Variants in ZNF835 observed in about 807,000 individuals in gnomAD.
The protein encoded by ZNF835 is zinc finger protein 835.
For missense variants in ZNF835, 783 were observed against 758.4 expected, an observed-to-expected ratio of 1.03 and a Z score of -0.38; for synonymous variants, 323 against 324.7, an observed-to-expected ratio of 0.99 and a Z score of 0.06.
At chr19:56,665,474 A>C (rs776770890) in intron 1 of ZNF835, 3 of 680,800 alleles carry the variant, frequency 4.4e-6, no homozygotes, top group Non-Finnish European at 8.2e-6. Flanking sequence ...CTACCCCTCA[A>C]CCCCTGAGTT....
chr19:56,665,320 A>G, intron 1 of ZNF835, 75 bp from the exon 2 acceptor site: 3 of 1,310,300 alleles, frequency 2.3e-6, no homozygotes, highest in Non-Finnish European at 1.1e-6. Context: ...TAACAGCTGA[A>G]CTGGTAAGAA....
chr19:56,667,006 T>G (rs1199797191), intron 1 of ZNF835, among the ~76,000 whole-genome samples: 1 of 152,038 alleles, frequency 6.6e-6, no homozygotes, highest in East Asian at 1.9e-4. Context: ...GGCTCAGAGG[T>G]TCATGCTGGC....
At chr19:56,668,364 CTTTTTTTTTTT>C (rs10604506) in intron 1 of ZNF835, among the ~76,000 whole-genome samples, 1 of 117,066 alleles carries the variant, frequency 8.5e-6, no homozygotes, top group East Asian at 2.6e-4. Flanking sequence ...TAAAATAGGG[CTTTTTTTTTTT>C]TTTTTTTTGA....
Position 56,663,667 on chromosome 19 carries a change from G to C in ZNF835, c.1532C>G (p.Ser511Ter). 1.2e-6 allele frequency: 2 copies of C among 1,614,058 alleles called. No individual in the cohort carries two copies. The highest frequency in any genetic ancestry group is 1.7e-6 in the Non-Finnish European group (2 of 1,179,904). ...GRLCPAPTPD[S>*]TPGLSQGGET... ...TCCTCCCTGTGAGAGCCCAGGTGTT[G>C]AGTCAGGCGTGGGAGCTGGGCAAAG... The change falls in exon 2 of 2, where the codon TCA (serine) becomes TGA (stop). Residue 511 changes from serine (S) to a stop codon, truncating the protein, a stop_gained. Transcript: ENST00000537055. LOFTEE classifies it low-confidence loss of function (END_TRUNC).
At chr19:56,670,157 C>T (rs1022960339) in intron 1 of ZNF835, among the ~76,000 whole-genome samples, 5 of 151,786 alleles carry the variant, frequency 3.3e-5, no homozygotes, top group African/African-American at 1.2e-4. Flanking sequence ...CAGGAGTCCT[C>T]CATTAGCATA....
intron 1 of ZNF835, among the ~76,000 whole-genome samples, chr19:56,670,505 C>G (rs1207344525): frequency 6.6e-6 from 1 of 152,132 alleles, no homozygotes; most frequent in Non-Finnish European, 1.5e-5. Flanking sequence ...CTCACACATG[C>G]ACACAGGGTC....
Position 56,663,163 on chromosome 19 carries a change from A to AAAG in ZNF835, c.*421_*422insCTT, listed in dbSNP as rs1446716519. 1 of 46,752 alleles carries AAAG rather than the reference A, an allele frequency of 2.1e-5. No homozygotes were observed. The highest frequency in any genetic ancestry group is 1.6e-4 in the African/African-American group (1 of 6,308). The allele number at this position is 46,752 out of a possible 1,614,324, so 2.9% of individuals were successfully genotyped here. On this transcript the variant is annotated 3_prime_UTR_variant, in exon 2 of 2. Coordinates refer to ENST00000537055, the MANE Select transcript of ZNF835 (RefSeq NM_001005850.3). ...GCGACAGAGCAAGACTCCGTCTCAG[A>AAAG]AAAAAAAAAAAAAAAAAATTAGCCA...
chr19:56,666,693 T>C (rs1254133673), intron 1 of ZNF835, among the ~76,000 whole-genome samples: 1 of 152,212 alleles, frequency 6.6e-6, no homozygotes, highest in Non-Finnish European at 1.5e-5. Context: ...TAATTCCCAG[T>C]GTGACAGCGT....
At chr19:56,666,826 G>T (rs112504796) in intron 1 of ZNF835, among the ~76,000 whole-genome samples, 1 of 152,138 alleles carries the variant, frequency 6.6e-6, no homozygotes, top group Non-Finnish European at 1.5e-5. Context: ...TCCTCTCTGC[G>T]TGTGAGGACA....
rs1249627346 is a variant in ZNF835, at chr19:56,663,230, A to G, written c.*355T>C. On this transcript the variant is annotated 3_prime_UTR_variant, in exon 2 of 2. Coordinates refer to ENST00000537055, the MANE Select transcript of ZNF835 (RefSeq NM_001005850.3). ...ACTACTCGGGAGGTTGAGGCAGGAG[A>G]ATCACTTGTACCCGGGAGGCAGAAG... is the stretch of plus-strand genomic sequence containing the variant. The G allele has an allele frequency of 7.2e-6, 2 of 279,056 alleles. No individual in the cohort carries two copies. The highest frequency in any genetic ancestry group is 1.3e-5 in the Non-Finnish European group (2 of 148,946). The allele number at this position is 279,056 out of a possible 1,614,324, so 17.3% of individuals were successfully genotyped here. A position where few individuals can be genotyped will look rare whatever the true frequency, so the allele number is the denominator to read the frequency against.
chr19:56,663,412 G>A lies in ZNF835; in HGVS notation c.*173C>T, dbSNP rs539009849. The A allele has an allele frequency of 1.7e-5, 15 of 887,738 alleles. No individual in the cohort carries two copies. The highest frequency in any genetic ancestry group is 2.7e-5 in the East Asian group (1 of 37,638). 55.0% of individuals were successfully genotyped at this position (887,738 alleles called of 1,614,324 possible). On this transcript the variant is annotated 3_prime_UTR_variant, in exon 2 of 2. Transcript: ENST00000537055. ...TTTATAATTTTGCACCAGGAAGACC[G>A]CAGGGGAGTCTGGCAGATGTGAGGT...
At chr19:56,665,903 A>C (rs548671344) in intron 1 of ZNF835, among the ~76,000 whole-genome samples, 164 of 152,254 alleles carry the variant, frequency 1.1e-3, no homozygotes, top group Non-Finnish European at 1.7e-3. Context: ...ACTAAAAACA[A>C]ATTTAAAAGA....
Position 56,664,092 on chromosome 19 carries a change from C to T in ZNF835, c.1107G>A (p.Lys369=), listed in dbSNP as rs1235476410. The T allele has an allele frequency of 6.3e-7, 1 of 1,599,618 alleles. No homozygotes were observed. Among genetic ancestry groups the T allele is most frequent in the Non-Finnish European group, 8.5e-7 (1 of 1,170,366 alleles). The change falls in exon 2 of 2, where the codon AAG becomes AAA. Residue 369 remains lysine, a synonymous_variant. Coordinates refer to ENST00000537055, the MANE Select transcript of ZNF835 (RefSeq NM_001005850.3). ...GGAGGTGGGAGCGGTTGCTGAAGCGCTTGCCGCAGTCGTGGCAGGGGTAAG... is the reference window on the plus strand; with the variant it reads ...GGAGGTGGGAGCGGTTGCTGAAGCGTTTGCCGCAGTCGTGGCAGGGGTAAG... ...ERPYPCHDCG[K]RFSNRSHLLQ...
Position 56,664,188 on chromosome 19 carries a change from G to T in ZNF835, c.1011C>A (p.Gly337=). 6.2e-7 allele frequency: 1 copy of T among 1,610,486 alleles called. No individual in the cohort carries two copies. The highest frequency in any genetic ancestry group is 1.1e-5 in the South Asian group (1 of 90,906). Residue 337 remains glycine (G), a synonymous_variant, in exon 2 of 2, where the codon GGC becomes GGA. Transcript: ENST00000537055. The part of the protein sequence containing the change: ...IHTGEKPYAC[G]QCAKAFTQVS... ...CCTGGGTGAAGGCCTTGGCGCACTG[G>T]CCGCACGCGTAGGGCTTCTCGCCTG...
At position 56,665,008 on chromosome 19, in the gene ZNF835, A is replaced by G. The variant is rs775711750; in HGVS notation, c.191T>C (p.Ile64Thr). The G allele has an allele frequency of 6.2e-7, 1 of 1,613,962 alleles. No homozygotes were observed. Among genetic ancestry groups the G allele is most frequent in the South Asian group, 1.1e-5 (1 of 91,084 alleles). ...RDEFSRIPRT[I>T]SSPAATQASV... ...GGCTTGGGTAGCAGCAGGGCTCGATATGGTTCTTGGGATTCGGCTGAATTC... is the reference window on the plus strand; with the variant it reads ...GGCTTGGGTAGCAGCAGGGCTCGATGTGGTTCTTGGGATTCGGCTGAATTC... Residue 64 changes from isoleucine (I) to threonine (T), a missense_variant, in exon 2 of 2, where the codon ATA becomes ACA. Ile to Thr is a moderately conservative substitution (Grantham distance 89, BLOSUM62 -1). Coordinates refer to ENST00000537055, the MANE Select transcript of ZNF835 (RefSeq NM_001005850.3).
Position 56,664,249 on chromosome 19 carries a change from T to C in ZNF835, c.950A>G (p.Gln317Arg), listed in dbSNP as rs749435198. 1.2e-6 allele frequency: 2 copies of C among 1,607,284 alleles called. No individual in the cohort carries two copies. Among genetic ancestry groups the C allele is most frequent in the Non-Finnish European group, 8.5e-7 (1 of 1,177,488 alleles). ...CCGGTGCTCGGCCAGAGAGGCGCTC[T>C]GGCTGAAGAGCGCGCCGCAGTCCTG... is the stretch of plus-strand genomic sequence containing the variant. ...TCQDCGALFS[Q>R]SASLAEHRRI... is the part of the protein sequence containing the mutation. Residue 317 changes from glutamine to arginine, a missense_variant, in exon 2 of 2, where the codon CAG becomes CGG. Gln to Arg is a conservative substitution (Grantham distance 43). Transcript: ENST00000537055.
intron 1 of ZNF835, among the ~76,000 whole-genome samples, chr19:56,668,321 A>C (rs1042131414): frequency 3.3e-5 from 5 of 150,096 alleles, no homozygotes; most frequent in Admixed American, 2.7e-4. Context: ...CTAAGCCACC[A>C]GAGTATGGCA....
In ZNF835 at chr19:56,664,017, T is replaced by C. The variant is rs767005116; in HGVS notation, c.1182A>G (p.Gln394=). The change falls in exon 2 of 2, where the codon CAA becomes CAG. Residue 394 remains glutamine (Q), a synonymous_variant. Transcript: ENST00000537055. ...HTGERPYRCL[Q]CGAAFSHVSS... ...ACACGTGGCTGAAGGCGGCCCCGCA[T>C]TGCAGGCACCTGTAGGGCCGCTCAC... 2.5e-6 allele frequency: 4 copies of C among 1,603,528 alleles called. No homozygotes were observed. Among genetic ancestry groups the C allele is most frequent in the Admixed American group, 3.4e-5 (2 of 59,094 alleles).
intron 1 of ZNF835, among the ~76,000 whole-genome samples, chr19:56,671,108 C>T (rs540190450): frequency 4.4e-4 from 67 of 151,688 alleles, no homozygotes; most frequent in East Asian, 3.1e-3. Flanking sequence ...CTGGCACCGC[C>T]GAGTGAGCAG....
Sources: gnomAD v4.1 joint callset for allele counts (sites outside exome capture counted in the v4.1 genomes callset) on GRCh38, gnomAD v4.1.1 for gene constraint, MANE v1.5 for transcripts, NCBI Gene and HGNC (gene_info 2026-07-23, HGNC 2026-07-21) for gene names.